DST: variants seen among roughly 807,000 people sequenced by gnomAD.
DST encodes the protein dystonin, also known as bullous pemphigoid antigen.
In DST, 253 loss-of-function variants were observed where a neutral mutation model predicts 875.2. The ratio of observed to expected loss-of-function variants is 0.29; its 90% CI spans 0.26 to 0.32. The LOEUF (loss-of-function observed/expected upper bound fraction) is 0.32. DST is among the 10% of genes least tolerant of loss of function. The pLI is 1.00. For missense variants in DST, 8,287 were observed against 9,111.6 expected, an observed-to-expected ratio of 0.91 and a Z score of 3.68; for synonymous variants, 3,124 against 3,197.1, an observed-to-expected ratio of 0.98 and a Z score of 0.77.
chr6:56,694,216 T>TAA (rs10660963), intron 9 of DST, among the ~76,000 whole-genome samples: 11,805 of 138,414 alleles, frequency 0.085, 1,607 homozygotes, highest in African/African-American at 0.28. Flanking sequence ...ATAGATATGG[T>TAA]AAAAAAAAAA....
rs1182335902 is a variant in DST at position 56,610,439 on chromosome 6, C to G, written c.5271G>C (p.Lys1757Asn). 1 of 1,558,896 alleles carries G rather than the reference C, an allele frequency of 6.4e-7. No homozygotes were observed. The highest frequency in any genetic ancestry group is 8.7e-7 in the Non-Finnish European group (1 of 1,150,678). Reference sequence around the variant, plus strand: ...TAAATAATATTACCTTCTCCTCTACCTTTACATCTCCTGAGGTTTGTGATT... The same window carrying G: ...TAAATAATATTACCTTCTCCTCTACGTTTACATCTCCTGAGGTTTGTGATT... The part of the protein sequence containing the change: ...LQESQTSGDV[K>N]VEEKLDKVIA... The change falls in exon 39 of 104, where the codon AAG (lysine) becomes AAC (asparagine). Residue 1757 changes from lysine (K) to asparagine (N), a missense_variant. By Grantham distance (94) the Lys-to-Asn change is moderately conservative. This residue lies in a region of DST where 3,138 missense variants were observed against 3,116.6 expected (regional missense o/e 1.01). Coordinates refer to ENST00000680361, the MANE Select transcript of DST (RefSeq NM_001374736.1).
intron 87 of DST, among the ~76,000 whole-genome samples, chr6:56,486,016 C>G (rs2095548253): frequency 1.3e-5 from 2 of 152,034 alleles, no homozygotes; most frequent in South Asian, 4.1e-4. Flanking sequence ...GTAAATAAAA[C>G]CATGCATACA....
At chr6:56,902,108 G>C (rs1032146446) in intron 2 of DST, among the ~76,000 whole-genome samples, 3 of 152,152 alleles carry the variant, frequency 2.0e-5, no homozygotes, top group Non-Finnish European at 4.4e-5. Context: ...AACAACATAA[G>C]AAATGAATGA....
intron 85 of DST, 90 bp downstream of exon 85, chr6:56,492,137 C>T: frequency 8.7e-7 from 1 of 1,153,022 alleles, no homozygotes; most frequent in Admixed American, 2.0e-5. Context: ...CCTAATACAG[C>T]CTGTGATAAA....
chr6:56,753,579 GTTC>G (rs1438839451), intron 4 of DST, among the ~76,000 whole-genome samples: 1 of 152,136 alleles, frequency 6.6e-6, no homozygotes, highest in African/African-American at 2.4e-5. Flanking sequence ...TAAAACTGTA[GTTC>G]TTCTTAGTGC....
At chr6:56,585,822 A>C (rs1404125744) in intron 49 of DST, among the ~76,000 whole-genome samples, 1 of 151,974 alleles carries the variant, frequency 6.6e-6, no homozygotes, top group East Asian at 1.9e-4. Context: ...TTCAAAGAAC[A>C]TCTTTATTTC....
At chr6:56,579,264 A>G (rs1409032053) in intron 49 of DST, among the ~76,000 whole-genome samples, 1 of 152,110 alleles carries the variant, frequency 6.6e-6, no homozygotes, top group Non-Finnish European at 1.5e-5. Context: ...TTTGTACAAT[A>G]CCCCAACTAC....
At chr6:56,812,556 A>T (rs2099761687) in intron 4 of DST, among the ~76,000 whole-genome samples, 1 of 152,246 alleles carries the variant, frequency 6.6e-6, no homozygotes, top group African/African-American at 2.4e-5. Flanking sequence ...ACTTGCCAAT[A>T]AAACAGCTTT....
chr6:56,478,765 T>C (rs1003556112), intron 90 of DST, among the ~76,000 whole-genome samples: 1 of 152,218 alleles, frequency 6.6e-6, no homozygotes, highest in Non-Finnish European at 1.5e-5. Flanking sequence ...ATGCCCATGC[T>C]ACTCACACTA....
intron 2 of DST, among the ~76,000 whole-genome samples, chr6:56,947,694 A>C (rs1176630146): frequency 6.6e-6 from 1 of 152,234 alleles, no homozygotes. Context: ...CCAGCACTAT[A>C]TTCCTTTATG....
chr6:56,538,912 G>A (rs751643041), intron 61 of DST, among the ~76,000 whole-genome samples: 1 of 152,004 alleles, frequency 6.6e-6, no homozygotes, highest in Non-Finnish European at 1.5e-5. Context: ...AAATGTTAAA[G>A]ATAGAATTTG....
intron 3 of DST, among the ~76,000 whole-genome samples, chr6:56,872,332 A>G (rs1777581672): frequency 6.6e-6 from 1 of 152,200 alleles, no homozygotes. Flanking sequence ...AACATTTTTT[A>G]TTAAGTTAAA....
At position 56,865,417 on chromosome 6, in the gene DST, C is replaced by A. The variant is rs140868483; in HGVS notation, c.418-13813G>T. On this transcript the variant is annotated intron_variant, in intron 3 of 103. Transcript: ENST00000680361. ...GTGGTGGTGAGATCCCAGCTCATGG[C>A]AACCTTGACCTTCCAGGCTCAAGCA... Among the ~76,000 whole-genome samples, 329 of 152,178 alleles carry A rather than the reference C, an allele frequency of 2.2e-3. 3 individuals are homozygous for A. The South Asian group carries it at 0.027, about 12-fold the overall frequency.
At chr6:56,576,134 C>T (rs371810328) in intron 50 of DST, among the ~76,000 whole-genome samples, 115 of 152,292 alleles carry the variant, frequency 7.6e-4, no homozygotes, top group African/African-American at 2.6e-3. Flanking sequence ...TAGGATTCGT[C>T]TGGGGAGCTT....
At chr6:56,593,516 C>CAAAAAAAAAAAAAAAAAAA (rs58251502) in intron 48 of DST, 147 bp downstream of exon 48, 3 of 319,352 alleles carry the variant, frequency 9.4e-6, no homozygotes, top group African/African-American at 7.8e-5. Flanking sequence ...GACTCCTTCT[C>CAAAAAAAAAAAAAAAAAAA]AAAAAAAAAA....
intron 49 of DST, among the ~76,000 whole-genome samples, chr6:56,591,543 A>C (rs2098271939): frequency 6.6e-6 from 1 of 152,234 alleles, no homozygotes; most frequent in Non-Finnish European, 1.5e-5. Flanking sequence ...TGTGGAGCTT[A>C]ATTCTAATGG....
At position 56,606,490 on chromosome 6, in the gene DST, G is replaced by A. The variant is rs543155243; in HGVS notation, c.8138C>T (p.Ser2713Leu). 34 of 1,613,226 alleles carry A rather than the reference G, an allele frequency of 2.1e-5. No homozygotes were observed. The African/African-American group carries it at 4.4e-4, about 21-fold the overall frequency. Residue 2713 changes from serine (S) to leucine (L), a missense_variant, in exon 40 of 104, where the codon TCA becomes TTA. Coordinates refer to ENST00000680361, the MANE Select transcript of DST (RefSeq NM_001374736.1). ...CAGTGACTGTCCATTCACCTTATCTGAGCCAACAGGATTTAAATGTATTTT... is the reference window on the plus strand; with the variant it reads ...CAGTGACTGTCCATTCACCTTATCTAAGCCAACAGGATTTAAATGTATTTT... ...GEKIHLNPVG[S>L]DKVNGQSLET...
intron 49 of DST, among the ~76,000 whole-genome samples, chr6:56,585,684 G>A (rs1444291876): frequency 6.6e-6 from 1 of 151,480 alleles, no homozygotes; most frequent in Non-Finnish European, 1.5e-5. Context: ...TAATTGTGAT[G>A]TTAGGGTGTC....
At chr6:56,478,837 A>C (rs1482132479) in intron 90 of DST, among the ~76,000 whole-genome samples, 2 of 152,264 alleles carry the variant, frequency 1.3e-5, no homozygotes, top group East Asian at 1.9e-4. Context: ...ACCTAAAAAA[A>C]CTCTTCTGGA....
Sources: gnomAD v4.1 joint callset for allele counts (sites outside exome capture counted in the v4.1 genomes callset) on GRCh38, gnomAD v4.1.1 for gene constraint, gnomAD v4.1.1 regional missense constraint, MANE v1.5 for transcripts, NCBI Gene and HGNC (gene_info 2026-07-23, HGNC 2026-07-21) for gene names.